PNISR: variants seen among roughly 807,000 people sequenced by gnomAD.
PNISR encodes the protein PNN interacting serine and arginine rich protein, also known as arginine/serine-rich protein PNISR.
PNISR carries 20 observed loss-of-function variants against 93.4 expected under a neutral mutation model. The ratio of observed to expected loss-of-function variants is 0.21; its 90% CI spans 0.15 to 0.31. PNISR has a LOEUF of 0.31. Among genes scored for constraint, PNISR ranks in the 10% least tolerant of loss-of-function variants. The probability of loss-of-function intolerance (pLI) is 1.00; values close to 1 mark genes in which losing one functional copy is unlikely to be tolerated. For missense variants in PNISR, 893 were observed against 985.4 expected, an observed-to-expected ratio of 0.91 and a Z score of 1.25; for synonymous variants, 305 against 306.5, an observed-to-expected ratio of 0.99 and a Z score of 0.05.
intron 6 of PNISR, among the ~76,000 whole-genome samples, chr6:99,408,694 ATT>A (rs1254507012): frequency 6.6e-6 from 1 of 152,226 alleles, no homozygotes; most frequent in Non-Finnish European, 1.5e-5. Context: ...ATAAATATGT[ATT>A]TGTCACTTGA....
Position 99,416,863 on chromosome 6 carries a change from A to G in PNISR, c.-111-435T>C, listed in dbSNP as rs1019106984. On this transcript the variant is annotated intron_variant, in intron 1 of 11. Coordinates refer to ENST00000369239, the MANE Select transcript of PNISR (RefSeq NM_032870.4). ...GCAAGGAGAGAACAGTTTGTTCCTGAAATGGTTTAGTTTCCTTTTTATTCA... is the reference window on the plus strand; with the variant it reads ...GCAAGGAGAGAACAGTTTGTTCCTGGAATGGTTTAGTTTCCTTTTTATTCA... Among the ~76,000 whole-genome samples the G allele has an allele frequency of 1.1e-4, 16 of 152,342 alleles. No homozygotes were observed. In the South Asian group the frequency reaches 1.5e-3, roughly 14 times the overall value.
chr6:99,420,766 C>T (rs1207466771), intron 1 of PNISR, among the ~76,000 whole-genome samples: 1 of 152,198 alleles, frequency 6.6e-6, no homozygotes, highest in Non-Finnish European at 1.5e-5. Context: ...CTACCCTCTT[C>T]TTTACCACTG....
chr6:99,410,084 T>C (rs1302326778), intron 5 of PNISR: 1 of 152,260 alleles, frequency 6.6e-6, no homozygotes. Flanking sequence ...AAATTTTAAA[T>C]TATGATAGCA....
intron 8 of PNISR, among the ~76,000 whole-genome samples, chr6:99,405,726 G>A (rs1776078244): frequency 1.3e-5 from 2 of 151,948 alleles, no homozygotes; most frequent in African/African-American, 4.8e-5. Context: ...CACTATGCCC[G>A]GCTAATTTTT....
At position 99,398,687 on chromosome 6, in the gene PNISR, T is replaced by C. The variant is rs1775130898; in HGVS notation, c.*1853A>G. The stretch of plus-strand genomic sequence containing the variant: ...TCTGTAGAATTTTATTTTGAAAATA[T>C]TTCACTTCAAGATTGATCTAAAAAA... On this transcript the variant is annotated 3_prime_UTR_variant, in exon 12 of 12. Transcript: ENST00000369239. The C allele has an allele frequency of 6.6e-6, 1 of 152,098 alleles. No homozygotes were observed. Among genetic ancestry groups the C allele is most frequent in the African/African-American group, 2.4e-5 (1 of 41,448 alleles). The allele number at this position is 152,098 out of a possible 1,614,324, so 9.4% of individuals were successfully genotyped here.
At position 99,404,468 on chromosome 6, in the gene PNISR, C is replaced by A; in HGVS notation, c.1102+135G>T. On this transcript the variant is annotated intron_variant, in intron 9 of 11. Transcript: ENST00000369239. ...TTAATATGGTGTCTACGAATCTAAT[C>A]TTTAAGAGTTAAAACATGCAAGAGA... is the stretch of plus-strand genomic sequence containing the variant. The A allele has an allele frequency of 5.7e-6, 4 of 700,998 alleles. 1 individual carries two copies. The South Asian group carries it at 5.9e-5, about 10-fold the overall frequency. 43.4% of individuals were successfully genotyped at this position (700,998 alleles called of 1,614,324 possible). A position where few individuals can be genotyped will look rare whatever the true frequency, so the allele number is the denominator to read the frequency against.
chr6:99,413,178 G>A (rs1051877175), intron 3 of PNISR, among the ~76,000 whole-genome samples: 1 of 151,534 alleles, frequency 6.6e-6, no homozygotes, highest in Non-Finnish European at 1.5e-5. Flanking sequence ...GCCTGCATTC[G>A]AGCCTATAGG....
intron 8 of PNISR, among the ~76,000 whole-genome samples, chr6:99,405,400 G>C (rs1314001618): frequency 6.6e-6 from 1 of 152,082 alleles, no homozygotes; most frequent in Non-Finnish European, 1.5e-5. Flanking sequence ...TCAGGAGGCA[G>C]AGGTTGCAGT....
chr6:99,417,428 C>T (rs745609586), intron 1 of PNISR, among the ~76,000 whole-genome samples: 4 of 152,196 alleles, frequency 2.6e-5, no homozygotes, highest in African/African-American at 4.8e-5. Context: ...GGATGCCTAC[C>T]TACATCCGTT....
chr6:99,414,623 G>A lies in PNISR; in HGVS notation c.37C>T (p.Pro13Ser). Residue 13 changes from proline to serine, a missense_variant, in exon 3 of 12, where the codon CCC becomes TCC. Transcript: ENST00000369239. ...DQGGQPWQQW[P>S]LNQQQWMQSF... The stretch of plus-strand genomic sequence containing the variant: ...TGCATCCATTGTTGCTGGTTCAAGG[G>A]CCACTGCTGCCAAGGCTGTCCTCCT... The A allele has an allele frequency of 6.2e-7, 1 of 1,607,940 alleles. No homozygotes were observed. Among genetic ancestry groups the A allele is most frequent in the Non-Finnish European group, 8.5e-7 (1 of 1,175,194 alleles).
chr6:99,406,794 T>C (rs1412018066), intron 7 of PNISR, among the ~76,000 whole-genome samples: 3 of 152,184 alleles, frequency 2.0e-5, no homozygotes, highest in East Asian at 1.9e-4. Flanking sequence ...CCAGATTGCA[T>C]GTGACCCTTT....
At chr6:99,402,831 T>A in intron 10 of PNISR, 121 bp from the exon 11 acceptor site, 1 of 694,316 alleles carries the variant, frequency 1.4e-6, no homozygotes, top group Non-Finnish European at 2.3e-6. Flanking sequence ...AGAATACGCT[T>A]ATTCGGGGTG....
At position 99,402,728 on chromosome 6, in the gene PNISR, A is replaced by C. The variant is rs748123964; in HGVS notation, c.1157-18T>G. ...CAGTCCACCTGTGTGCATAAAGCTC[A>C]GTCTATCATATGAAAAAAATTATAC... On this transcript the variant is annotated intron_variant, in intron 10 of 11. Transcript: ENST00000369239. 9 of 1,511,652 alleles carry C rather than the reference A, an allele frequency of 6.0e-6. No individual in the cohort carries two copies. Among genetic ancestry groups the C allele is most frequent in the Non-Finnish European group, 7.1e-6 (8 of 1,122,458 alleles). The allele number at this position is 1,511,652 out of a possible 1,614,324, so 93.6% of individuals were successfully genotyped here.
Position 99,401,022 on chromosome 6 carries a change from G to A in PNISR, c.1936C>T (p.Arg646Cys), listed in dbSNP as rs757732071. The part of the protein sequence containing the change: ...SRDRRKIDDQ[R>C]GNLSGNSHKH... ...TGACTGTTCCCACTAAGATTTCCACGTTGATCATCAATTTTACGCCTATCT... is the reference window on the plus strand; with the variant it reads ...TGACTGTTCCCACTAAGATTTCCACATTGATCATCAATTTTACGCCTATCT... Residue 646 changes from arginine to cysteine, a missense_variant, in exon 12 of 12, where the codon CGT (arginine) becomes TGT (cysteine). By Grantham distance (180) the Arg-to-Cys change is radical. Around this residue, in one of 3 missense-constraint regions of PNISR, gnomAD observed 866 missense variants for 935.1 expected, o/e 0.93. Transcript: ENST00000369239. 15 of 1,613,144 alleles carry A rather than the reference G, an allele frequency of 9.3e-6. No individual in the cohort carries two copies. Among genetic ancestry groups the A allele is most frequent in the Admixed American group, 8.3e-5 (5 of 59,934 alleles).
At chr6:99,420,046 G>A (rs749936911) in intron 1 of PNISR, among the ~76,000 whole-genome samples, 5 of 152,020 alleles carry the variant, frequency 3.3e-5, no homozygotes, top group African/African-American at 4.8e-5. Flanking sequence ...TACCACGCCC[G>A]GCTAATTTTT....
rs570196263 is a variant in PNISR, at chr6:99,409,268, GCTGGAGGTC to G, written c.569_577del (p.Gly190_Pro192del). On this transcript the variant is annotated inframe_deletion, in exon 6 of 12. Coordinates refer to ENST00000369239, the MANE Select transcript of PNISR (RefSeq NM_032870.4). ...CCTTTCTCTTCGATTCTGGGGAGGT[GCTGGAGGTC>G]CTGGAGGTCCTGGTTGCCAATAAGG... The G allele has an allele frequency of 5.3e-4, 854 of 1,613,928 alleles. No individual in the cohort carries two copies. The highest frequency in any genetic ancestry group is 3.8e-3 in the Middle Eastern group (23 of 6,062).
intron 7 of PNISR, among the ~76,000 whole-genome samples, chr6:99,407,051 G>A (rs1776243919): frequency 1.3e-5 from 2 of 152,130 alleles, no homozygotes; most frequent in South Asian, 4.1e-4. Context: ...TGGACAGAGT[G>A]GCTAATGTCT....
intron 1 of PNISR, among the ~76,000 whole-genome samples, chr6:99,424,626 C>T (rs11964867): frequency 0.034 from 5,167 of 152,324 alleles, 282 homozygotes; most frequent in African/African-American, 0.12. Flanking sequence ...GAATTAAAAT[C>T]TTAAGCTAGA....
intron 4 of PNISR, chr6:99,411,798 T>TG (rs71545779): frequency 0.035 from 5,333 of 150,308 alleles, 318 homozygotes; most frequent in African/African-American, 0.12. Flanking sequence ...AGGTTTTTTT[T>TG]TTTTTTTTTT....
Sources: allele counts gnomAD v4.1 joint callset (sites outside exome capture counted in the v4.1 genomes callset), GRCh38; gene constraint gnomAD v4.1.1; regional missense constraint gnomAD v4.1.1; transcripts MANE v1.5; gene names NCBI Gene and HGNC (gene_info 2026-07-23, HGNC 2026-07-21).